The following EIF4G3 variants were observed in gnomAD, a reference collection of about 807,000 sequenced individuals.
EIF4G3 encodes eukaryotic translation initiation factor 4 gamma 3.
In EIF4G3, 34 loss-of-function variants were observed where a neutral mutation model predicts 186.4. That is an observed-to-expected ratio of 0.18 (90% CI 0.14 to 0.24). The LOEUF (loss-of-function observed/expected upper bound fraction) is 0.24. EIF4G3 is among the 10% of genes least tolerant of loss of function. EIF4G3 has a pLI of 1.00. For synonymous variants in EIF4G3, 673 were observed against 679.5 expected, an observed-to-expected ratio of 0.99 and a Z score of 0.15; for missense variants, 1,536 against 1,948.5, an observed-to-expected ratio of 0.79 and a Z score of 3.99.
In EIF4G3 at chr1:21,003,738, C is replaced by A. The variant is rs528193131; in HGVS notation, c.-66-930G>T. On this transcript the variant is annotated intron_variant, in intron 4 of 36. Coordinates refer to ENST00000602326, the MANE Select transcript of EIF4G3 (RefSeq NM_001391906.1). ...GATCACTCCACACTTGTTTAACCTG[C>A]CTGTGAGGTTCACAACAATTTTCCC... The A allele has an allele frequency of 4.9e-4, 218 of 442,778 alleles. 1 individual carries two copies. The highest frequency in any genetic ancestry group is 1.7e-3 in the South Asian group (100 of 58,996). The allele number at this position is 442,778 out of a possible 1,614,324, so 27.4% of individuals were successfully genotyped here.
chr1:21,152,574 ACCTTTCC>A (rs2097570417), intron 2 of EIF4G3, among the ~76,000 whole-genome samples: 1 of 152,116 alleles, frequency 6.6e-6, no homozygotes, highest in South Asian at 2.1e-4. Flanking sequence ...AACTTCAATT[ACCTTTCC>A]AGTCATTACA....
chr1:20,968,055 G>A (rs767200862), intron 12 of EIF4G3, among the ~76,000 whole-genome samples: 6 of 152,112 alleles, frequency 3.9e-5, no homozygotes, highest in Non-Finnish European at 7.3e-5. Flanking sequence ...TGGGACTATC[G>A]GCATGTGCCA....
intron 18 of EIF4G3, among the ~76,000 whole-genome samples, chr1:20,888,987 T>C (rs989610532): frequency 2.0e-5 from 3 of 152,150 alleles, no homozygotes; most frequent in African/African-American, 7.2e-5. Flanking sequence ...GACAGTACTT[T>C]AAGGAACTTT....
At chr1:20,867,425 G>A (rs999404578) in intron 20 of EIF4G3, among the ~76,000 whole-genome samples, 10 of 152,148 alleles carry the variant, frequency 6.6e-5, no homozygotes, top group African/African-American at 1.7e-4. Flanking sequence ...TAAAATAGCT[G>A]GTGAAAAGGG....
chr1:20,829,527 A>G (rs1435568684), intron 30 of EIF4G3, among the ~76,000 whole-genome samples: 1 of 152,208 alleles, frequency 6.6e-6, no homozygotes, highest in Non-Finnish European at 1.5e-5. Flanking sequence ...TATGTACAAG[A>G]AGGAGGTCAG....
chr1:21,083,487 C>CA (rs1557876252), intron 3 of EIF4G3, among the ~76,000 whole-genome samples: 3 of 144,426 alleles, frequency 2.1e-5, no homozygotes, highest in Non-Finnish European at 1.5e-5. Flanking sequence ...CACACACACA[C>CA]TTTTTTTTTT....
intron 4 of EIF4G3, among the ~76,000 whole-genome samples, chr1:21,033,291 A>G (rs1015871167): frequency 1.3e-5 from 2 of 152,214 alleles, no homozygotes; most frequent in African/African-American, 4.8e-5. Context: ...ATATTAGGAA[A>G]TAATATTTCA....
intron 3 of EIF4G3, among the ~76,000 whole-genome samples, chr1:21,072,545 A>G (rs1263050720): frequency 6.6e-6 from 1 of 152,034 alleles, no homozygotes. Context: ...CTGGGACTAC[A>G]GGTACCTGCC....
chr1:20,988,047 T>C (rs1056902992), intron 7 of EIF4G3, among the ~76,000 whole-genome samples: 1 of 152,326 alleles, frequency 6.6e-6, no homozygotes, highest in African/African-American at 2.4e-5. Context: ...AGCCACAACA[T>C]TCCCTTAAGC....
intron 14 of EIF4G3, among the ~76,000 whole-genome samples, chr1:20,909,637 T>C (rs185154572): frequency 6.6e-6 from 1 of 152,306 alleles, no homozygotes; most frequent in Admixed American, 6.5e-5. Context: ...TTTAGTTTTA[T>C]ACTGTTTTTT....
At chr1:21,011,321 C>G (rs1444298064) in intron 4 of EIF4G3, among the ~76,000 whole-genome samples, 1 of 151,430 alleles carries the variant, frequency 6.6e-6, no homozygotes, top group African/African-American at 2.4e-5. Flanking sequence ...AATGTCACTT[C>G]TGTAACAGAA....
intron 2 of EIF4G3, among the ~76,000 whole-genome samples, chr1:21,114,182 C>G (rs868521744): frequency 1.3e-5 from 2 of 151,026 alleles, no homozygotes; most frequent in Non-Finnish European, 1.5e-5. Context: ...GAGTCTCGCT[C>G]TGTTGCCAGG....
intron 18 of EIF4G3, among the ~76,000 whole-genome samples, chr1:20,891,196 C>T (rs2085908404): frequency 6.6e-6 from 1 of 152,156 alleles, no homozygotes; most frequent in Non-Finnish European, 1.5e-5. Context: ...ATTCTAAACT[C>T]ACAATATTTC....
At chr1:21,038,880 AT>A (rs1202929767) in intron 4 of EIF4G3, among the ~76,000 whole-genome samples, 1 of 151,478 alleles carries the variant, frequency 6.6e-6, no homozygotes, top group Non-Finnish European at 1.5e-5. Flanking sequence ...TATGAAACAT[AT>A]TTTTTTTTAA....
At chr1:20,999,491 C>A in intron 6 of EIF4G3, 2 of 316,610 alleles carry the variant, frequency 6.3e-6, no homozygotes, top group South Asian at 2.7e-5. Context: ...TATGGCAGTA[C>A]CTGTCTTATC....
At chr1:20,975,381 A>C (rs1470846155) in intron 10 of EIF4G3, among the ~76,000 whole-genome samples, 22 of 151,632 alleles carry the variant, frequency 1.5e-4, no homozygotes, top group African/African-American at 4.8e-4. Flanking sequence ...AAAAAAAACA[A>C]AAAACAAAAA....
chr1:20,976,224 G>A (rs921482921), intron 10 of EIF4G3, among the ~76,000 whole-genome samples: 34 of 151,076 alleles, frequency 2.3e-4, no homozygotes, highest in Non-Finnish European at 4.0e-4. Flanking sequence ...TGTGCACAAC[G>A]TGCAGGTTAG....
chr1:20,972,027 T>C (rs1202685680), intron 11 of EIF4G3, among the ~76,000 whole-genome samples: 1 of 152,202 alleles, frequency 6.6e-6, no homozygotes, highest in Admixed American at 6.5e-5. Flanking sequence ...GGAGTCTCTC[T>C]TGAATAAAAA....
chr1:21,157,283 T>C (rs2097678837), intron 2 of EIF4G3, among the ~76,000 whole-genome samples: 2 of 152,100 alleles, frequency 1.3e-5, no homozygotes, highest in Non-Finnish European at 2.9e-5. Flanking sequence ...CAAATACTAC[T>C]TCCTATTCCC....
Sources: gnomAD v4.1 joint callset for allele counts (sites outside exome capture counted in the v4.1 genomes callset) on GRCh38, gnomAD v4.1.1 for gene constraint, MANE v1.5 for transcripts, NCBI Gene and HGNC (gene_info 2026-07-23, HGNC 2026-07-21) for gene names.